Variants in SLC9A5 observed in about 807,000 individuals in gnomAD.
The protein encoded by SLC9A5 is solute carrier family 9 member A5.
Under a neutral mutation model 91.7 loss-of-function variants are expected in SLC9A5, and 52 were observed. That is an observed-to-expected ratio of 0.57 (90% CI 0.45 to 0.71). The LOEUF (loss-of-function observed/expected upper bound fraction) is 0.71. Among genes scored for constraint, SLC9A5 ranks in the 30% least tolerant of loss-of-function variants. The pLI is 0.00. For missense variants in SLC9A5, 871 were observed against 1,158.9 expected, an observed-to-expected ratio of 0.75 and a Z score of 3.61; for synonymous variants, 419 against 474.5, an observed-to-expected ratio of 0.88 and a Z score of 1.52.
chr16:67,261,927 G>GGTT (rs1555500313), intron 12 of SLC9A5: 1 of 151,406 alleles, frequency 6.6e-6, no homozygotes, highest in African/African-American at 2.5e-5. Context: ...GATTTGGTGA[G>GGTT]GTGTGTGTGT....
At chr16:67,251,401 G>GTTTTT (rs2035111993) in intron 1 of SLC9A5, among the ~76,000 whole-genome samples, 2 of 101,310 alleles carry the variant, frequency 2.0e-5, no homozygotes, top group African/African-American at 4.4e-5. Flanking sequence ...TGAGTAGATT[G>GTTTTT]TCTTTTTTTT....
chr16:67,255,781 G>C lies in SLC9A5; in HGVS notation c.762G>C (p.Gly254=), dbSNP rs2035293524. Residue 254 remains glycine (G), a synonymous_variant, in exon 5 of 16, where the codon GGG becomes GGC. Transcript: ENST00000299798. The surrounding 1 kb of genome is among the most constrained non-coding windows in gnomAD (Gnocchi z 4.9). ...VASLFVVSLG[G]AAVGLVFAFL... is the part of the protein sequence containing the mutation. Reference sequence around the variant, plus strand: ...CCCTGTTTGTGGTCAGTCTGGGCGGGGCAGCCGTGGGCTTAGTCTTTGCCT... The same window carrying C: ...CCCTGTTTGTGGTCAGTCTGGGCGGCGCAGCCGTGGGCTTAGTCTTTGCCT... 1 of 1,589,724 alleles carries C rather than the reference G, an allele frequency of 6.3e-7. No homozygotes were observed. The highest frequency in any genetic ancestry group is 1.3e-5 in the African/African-American group (1 of 74,726).
intron 15 of SLC9A5, among the ~76,000 whole-genome samples, chr16:67,267,174 C>T (rs1464361695): frequency 2.7e-5 from 4 of 148,588 alleles, no homozygotes; most frequent in Non-Finnish European, 5.9e-5. Context: ...GCAACCTCTG[C>T]CTCTCGGGTT....
chr16:67,264,587 C>T, intron 13 of SLC9A5, 65 bp downstream of exon 13: 3 of 1,550,594 alleles, frequency 1.9e-6, no homozygotes, highest in Admixed American at 3.4e-5. Context: ...TTTGAGCCCC[C>T]TAGTGTTAGG....
rs2035306133 is a variant in SLC9A5 at position 67,256,052 on chromosome 16, G to A, written c.911+122G>A. The A allele has an allele frequency of 1.9e-6, 2 of 1,076,798 alleles. No individual in the cohort carries two copies. The highest frequency in any genetic ancestry group is 2.3e-5 in the Admixed American group (1 of 43,846). 66.7% of individuals were successfully genotyped at this position (1,076,798 alleles called of 1,614,324 possible). Reference sequence around the variant, plus strand: ...GGTTTCCCTGAGCCCTTGTGGTAGTGGGAGCCTCAGACTGTCCTGGGGAGT... The same window carrying A: ...GGTTTCCCTGAGCCCTTGTGGTAGTAGGAGCCTCAGACTGTCCTGGGGAGT... On this transcript the variant is annotated intron_variant, in intron 5 of 15. Coordinates refer to ENST00000299798, the MANE Select transcript of SLC9A5 (RefSeq NM_004594.3). The surrounding 1 kb of genome is among the most constrained non-coding windows in gnomAD (Gnocchi z 4.1).
intron 15 of SLC9A5, among the ~76,000 whole-genome samples, chr16:67,268,941 C>G (rs2035833875): frequency 6.6e-6 from 1 of 151,326 alleles, no homozygotes; most frequent in Non-Finnish European, 1.5e-5. Context: ...GTAGCTGTCC[C>G]AAAATGTCAA....
intron 15 of SLC9A5, among the ~76,000 whole-genome samples, chr16:67,266,850 CTT>C (rs61525765): frequency 1.3e-4 from 16 of 118,918 alleles, no homozygotes; most frequent in Non-Finnish European, 1.6e-4. Context: ...CTATTCTTTT[CTT>C]TTTTTTTTTT....
rs529387943 is a variant in SLC9A5 at position 67,271,927 on chromosome 16, G to A, written c.*717G>A. The A allele has an allele frequency of 6.6e-6, 1 of 152,430 alleles. No homozygotes were observed. Among genetic ancestry groups the A allele is most frequent in the East Asian group, 1.9e-4 (1 of 5,184 alleles). The allele number at this position is 152,430 out of a possible 1,614,324, so 9.4% of individuals were successfully genotyped here. On this transcript the variant is annotated 3_prime_UTR_variant, in exon 16 of 16. Transcript: ENST00000299798. ...GGTCACCCTGGGATCTGCTGCTCTG[G>A]GTCTAAGTCTAGACCTTTCTGATCC...
Position 67,258,500 on chromosome 16 carries a change from G to A in SLC9A5, c.1626+53G>A. On this transcript the variant is annotated intron_variant, in intron 10 of 15. Coordinates refer to ENST00000299798, the MANE Select transcript of SLC9A5 (RefSeq NM_004594.3). This position sits in a 1 kb window ranked among gnomAD's most constrained non-coding sequence, Gnocchi z 4.5. ...GTGGTGGGTGGGCAGATGGTCAGCA[G>A]AGCAGGACAGAAAGGGGTGGCAAGC... 6.2e-7 allele frequency: 1 copy of A among 1,609,038 alleles called. No individual in the cohort carries two copies. The highest frequency in any genetic ancestry group is 1.1e-5 in the South Asian group (1 of 90,906).
intron 15 of SLC9A5, among the ~76,000 whole-genome samples, chr16:67,268,439 C>T (rs1192853710): frequency 6.7e-6 from 1 of 149,198 alleles, no homozygotes; most frequent in Non-Finnish European, 1.5e-5. Context: ...CCACTCCACC[C>T]GGCCTCAGAT....
rs746507681 is a variant in SLC9A5, at chr16:67,249,094, C to T, written c.80C>T (p.Pro27Leu). The change falls in exon 1 of 16, where the codon CCG becomes CTG. Residue 27 changes from proline (P) to leucine (L), a missense_variant. Pro to Leu is a moderately conservative substitution (Grantham distance 98, BLOSUM62 -3). Around this residue, in one of 3 missense-constraint regions of SLC9A5, gnomAD observed 122 missense variants for 114.5 expected, o/e 1.07. Coordinates refer to ENST00000299798, the MANE Select transcript of SLC9A5 (RefSeq NM_004594.3). ...AEEPTQKPES[P>L]GEPPPGLELF... is the part of the protein sequence containing the mutation. ...GAGCCCACCCAGAAGCCAGAGTCCC[C>T]GGGCGAGCCTCCCCCAGGCTTAGAG... The T allele has an allele frequency of 1.3e-6, 2 of 1,537,818 alleles. No homozygotes were observed. The highest frequency in any genetic ancestry group is 1.7e-6 in the Non-Finnish European group (2 of 1,148,688).
In SLC9A5 at chr16:67,266,167, G is replaced by A. The variant is rs781678581; in HGVS notation, c.2160G>A (p.Glu720=). The A allele has an allele frequency of 3.1e-6, 5 of 1,610,852 alleles. No individual in the cohort carries two copies. Among genetic ancestry groups the A allele is most frequent in the Non-Finnish European group, 4.2e-6 (5 of 1,178,564 alleles). ...DSSETEKEDD[E]GIIFVARATS... is the part of the protein sequence containing the mutation. ...CAGAGACAGAGAAGGAGGACGATGA[G>A]GGGATCATCTTTGTGGCTCGTGCCA... Residue 720 remains glutamate (E), a synonymous_variant, in exon 15 of 16, where the codon GAG becomes GAA. Coordinates refer to ENST00000299798, the MANE Select transcript of SLC9A5 (RefSeq NM_004594.3).
chr16:67,259,031 C>A (rs1287616880), intron 10 of SLC9A5, among the ~76,000 whole-genome samples: 1 of 150,856 alleles, frequency 6.6e-6, no homozygotes, highest in Non-Finnish European at 1.5e-5. Flanking sequence ...GGGGCCAAGG[C>A]GGGTGGATCA....
chr16:67,251,941 A>T (rs755659344), intron 1 of SLC9A5, among the ~76,000 whole-genome samples: 4 of 152,182 alleles, frequency 2.6e-5, no homozygotes, highest in African/African-American at 7.2e-5. Flanking sequence ...AATAATGGCT[A>T]TGGATAAGGG....
In SLC9A5 at chr16:67,252,685, C is replaced by T; in HGVS notation, c.331C>T (p.Leu111=). ...QLEPGTFFLF[L]LPPIVLDSGY... ...GGAGCCAGGCACCTTCTTCCTCTTC[C>T]TGCTGCCTCCTATTGTGTTGGACTC... Residue 111 remains leucine, a synonymous_variant, in exon 2 of 16, where the codon CTG becomes TTG. Transcript: ENST00000299798. The surrounding 1 kb of genome is among the most constrained non-coding windows in gnomAD (Gnocchi z 4.0). 6.2e-7 allele frequency: 1 copy of T among 1,614,246 alleles called. No individual in the cohort carries two copies. Among genetic ancestry groups the T allele is most frequent in the Non-Finnish European group, 8.5e-7 (1 of 1,180,040 alleles).
intron 15 of SLC9A5, among the ~76,000 whole-genome samples, chr16:67,269,398 C>G (rs1177315659): frequency 6.6e-6 from 1 of 152,146 alleles, no homozygotes; most frequent in Non-Finnish European, 1.5e-5. Flanking sequence ...TGCCTCTACA[C>G]TCTAGCCTAG....
intron 15 of SLC9A5, among the ~76,000 whole-genome samples, chr16:67,266,577 G>A (rs1291012556): frequency 6.6e-6 from 1 of 152,054 alleles, no homozygotes; most frequent in East Asian, 1.9e-4. Context: ...TTTTGCTCTT[G>A]TCATCCAGGC....
rs200940212 is a variant in SLC9A5, at chr16:67,255,122, G to A, written c.592G>A (p.Val198Ile). The stretch of plus-strand genomic sequence containing the variant: ...GCTAGCTGTCTTTGAGGAGGTGCAC[G>A]TCAATGAGACTCTCTTTATCATCGT... ...AVLAVFEEVH[V>I]NETLFIIVFG... is the part of the protein sequence containing the mutation. Residue 198 changes from valine to isoleucine, a missense_variant, in exon 3 of 16, where the codon GTC becomes ATC. Val to Ile is a conservative substitution (Grantham distance 29, BLOSUM62 3). Transcript: ENST00000299798. This position sits in a 1 kb window ranked among gnomAD's most constrained non-coding sequence, Gnocchi z 4.9. 3.7e-5 allele frequency: 60 copies of A among 1,613,964 alleles called. 1 individual carries two copies. The highest frequency in any genetic ancestry group is 1.6e-4 in the Middle Eastern group (1 of 6,084).
At chr16:67,260,354 CAAAAAAAAAA>C (rs397932908) in intron 12 of SLC9A5, among the ~76,000 whole-genome samples, 1 of 33,468 alleles carries the variant, frequency 3.0e-5, no homozygotes, top group East Asian at 7.3e-4. Context: ...GACTCCATCT[CAAAAAAAAAA>C]AAAAAAAAAA....
Sources: allele counts gnomAD v4.1 joint callset (sites outside exome capture counted in the v4.1 genomes callset), GRCh38; gene constraint gnomAD v4.1.1; regional missense constraint gnomAD v4.1.1; non-coding constraint Gnocchi (gnomAD v3.1); transcripts MANE v1.5; gene names NCBI Gene and HGNC (gene_info 2026-07-23, HGNC 2026-07-21).